Variants in ABCA1 observed in about 807,000 individuals in gnomAD.
The protein encoded by ABCA1 is ATP binding cassette subfamily A member 1, also known as phospholipid-transporting ATPase ABCA1.
In ABCA1, 133 loss-of-function variants were observed where a neutral mutation model predicts 262.5. The ratio of observed to expected loss-of-function variants is 0.51; its 90% CI spans 0.44 to 0.59. The LOEUF (loss-of-function observed/expected upper bound fraction) is 0.59. Among genes scored for constraint, ABCA1 ranks in the 20% least tolerant of loss-of-function variants. The probability of loss-of-function intolerance (pLI) is 0.00; values close to 1 mark genes in which losing one functional copy is unlikely to be tolerated. For missense variants in ABCA1, 2,452 were observed against 2,777.5 expected (o/e 0.88, Z 2.63); for synonymous variants, 1,022 against 1,043.5 (o/e 0.98, Z 0.40).
At chr9:104,879,994 T>C (rs368468778) in intron 5 of ABCA1, among the ~76,000 whole-genome samples, 2 of 152,324 alleles carry the variant, frequency 1.3e-5, no homozygotes, top group South Asian at 4.1e-4. Context: ...TCTTCGACTA[T>C]TTCAAGGAAA....
chr9:104,809,616 C>T (rs550273990), intron 29 of ABCA1, 52 bp from the exon 30 acceptor site: 5 of 1,462,824 alleles, frequency 3.4e-6, no homozygotes, highest in Admixed American at 3.4e-5. Context: ...AACCAGTAAT[C>T]GAGAGATAAA....
Position 104,826,196 on chromosome 9 carries a change from C to T in ABCA1, c.2338-309G>A, listed in dbSNP as rs116291478. On this transcript the variant is annotated intron_variant, in intron 16 of 49. Transcript: ENST00000374736. Reference sequence around the variant, plus strand: ...AAGGCTCAGCAATCCTGTTCCCCCACACACATGCGCATACCCACAGTCTTC... The same window carrying T: ...AAGGCTCAGCAATCCTGTTCCCCCATACACATGCGCATACCCACAGTCTTC... Among the ~76,000 whole-genome samples, 1,448 of 152,320 alleles carry T rather than the reference C, an allele frequency of 9.5e-3. 19 individuals carry two copies. Among genetic ancestry groups the T allele is most frequent in the African/African-American group, 0.033 (1,376 of 41,576 alleles).
intron 1 of ABCA1, among the ~76,000 whole-genome samples, chr9:104,913,847 G>A (rs1282100087): frequency 2.6e-5 from 4 of 152,126 alleles, no homozygotes; most frequent in East Asian, 1.9e-4. Flanking sequence ...CCAGGCTGGA[G>A]TGCAGTGGCG....
intron 8 of ABCA1, among the ~76,000 whole-genome samples, chr9:104,842,441 A>C (rs2487054): frequency 0.54 from 82,604 of 151,934 alleles, 25,074 homozygotes; most frequent in African/African-American, 0.81. Context: ...ATCAAAAAAA[A>C]AAATTTCTTC....
In ABCA1 at chr9:104,806,373, G is replaced by T. The variant is rs1157576156; in HGVS notation, c.4332C>A (p.Thr1444=). The T allele has an allele frequency of 1.2e-6, 2 of 1,614,202 alleles. No individual in the cohort carries two copies. Among genetic ancestry groups the T allele is most frequent in the Non-Finnish European group, 1.7e-6 (2 of 1,180,046 alleles). Residue 1444 remains threonine (T), a synonymous_variant, in exon 31 of 50, where the codon ACC becomes ACA. Coordinates refer to ENST00000374736, the MANE Select transcript of ABCA1 (RefSeq NM_005502.4). ...TCCCATTCTGGAAGAGGTCCATGAT[G>T]GTCTGGGGAACTGGGGCAGTGGTCC... ...EEWTTAPVPQ[T]IMDLFQNGNW...
intron 30 of ABCA1, 78 bp downstream of exon 30, chr9:104,809,388 G>T: frequency 7.5e-7 from 1 of 1,333,214 alleles, no homozygotes; most frequent in Non-Finnish European, 1.1e-6. Context: ...GTGGCATGCA[G>T]TTGATAAATG....
intron 7 of ABCA1, among the ~76,000 whole-genome samples, chr9:104,856,475 G>A (rs900225798): frequency 1.3e-5 from 2 of 152,182 alleles, no homozygotes; most frequent in Admixed American, 1.3e-4. Context: ...ACAGCAGGAT[G>A]GGACACAGTG....
At chr9:104,821,565 G>C (rs1368812717) in intron 19 of ABCA1, 59 bp from the exon 20 acceptor site, 1 of 1,598,182 alleles carries the variant, frequency 6.3e-7, no homozygotes, top group Non-Finnish European at 8.6e-7. Flanking sequence ...AACTCTAGAT[G>C]CTCCATTCAG....
At chr9:104,807,161 A>G (rs921763601) in intron 30 of ABCA1, among the ~76,000 whole-genome samples, 4 of 152,216 alleles carry the variant, frequency 2.6e-5, no homozygotes, top group African/African-American at 9.6e-5. Context: ...GGCCTGGGAA[A>G]GAGTCTGGAT....
chr9:104,796,397 C>T lies in ABCA1; in HGVS notation c.5149G>A (p.Val1717Ile). 1 of 1,614,150 alleles carries T rather than the reference C, an allele frequency of 6.2e-7. No homozygotes were observed. The highest frequency in any genetic ancestry group is 1.1e-5 in the South Asian group (1 of 91,082). ...MCNYVVPATL[V>I]IIIFICFQQK... ...TGGAAGCAGATGAAGATGATAATGA[C>T]CAGTGTGGCAGGGACAACGTAATTG... is the stretch of plus-strand genomic sequence containing the variant. Residue 1717 changes from valine to isoleucine, a missense_variant, in exon 38 of 50, where the codon GTC (valine) becomes ATC (isoleucine). Physicochemically the swap from Val to Ile is conservative, Grantham distance 29. Transcript: ENST00000374736.
chr9:104,786,369 A>G lies in ABCA1; in HGVS notation c.6330T>C (p.Leu2110=), dbSNP rs754074746. The G allele has an allele frequency of 1.2e-6, 2 of 1,614,146 alleles. No individual in the cohort carries two copies. The highest frequency in any genetic ancestry group is 1.3e-5 in the African/African-American group (1 of 75,050). ...TGACCATGATTGCCATCCTAGTGCAAAGAGCTTCACATTCTTCCATACTGC... is the reference window on the plus strand; with the variant it reads ...TGACCATGATTGCCATCCTAGTGCAGAGAGCTTCACATTCTTCCATACTGC... ...TSHSMEECEA[L]CTRMAIMVNG... The change falls in exon 48 of 50, where the codon CTT becomes CTC. Residue 2110 remains leucine (L), a synonymous_variant. Coordinates refer to ENST00000374736, the MANE Select transcript of ABCA1 (RefSeq NM_005502.4).
rs376099791 is a variant in ABCA1 at position 104,827,185 on chromosome 9, C to A, written c.2116-16G>T. On this transcript the variant is annotated splice_polypyrimidine_tract_variant and intron_variant, in intron 15 of 49. Transcript: ENST00000374736. The stretch of plus-strand genomic sequence containing the variant: ...GGTTTCCTAACTGGGAAGGAAGAGA[C>A]ACATCAAATGTGCTGCCTCAACAAT... 7.5e-6 allele frequency: 12 copies of A among 1,604,460 alleles called. No individual in the cohort carries two copies. In the African/African-American group the frequency reaches 1.6e-4, roughly 21 times the overall value.
intron 8 of ABCA1, 119 bp from the exon 9 acceptor site, chr9:104,840,638 C>T (rs1406841137): frequency 9.4e-6 from 10 of 1,068,344 alleles, no homozygotes; most frequent in Admixed American, 5.2e-5. Context: ...AAAGCCATGT[C>T]CCAGAACATA....
At chr9:104,872,549 G>A (rs926715552) in intron 5 of ABCA1, among the ~76,000 whole-genome samples, 1 of 152,184 alleles carries the variant, frequency 6.6e-6, no homozygotes, top group Admixed American at 6.5e-5. Flanking sequence ...TCAATGAAAT[G>A]GAGATAATAA....
intron 1 of ABCA1, among the ~76,000 whole-genome samples, chr9:104,915,117 C>G (rs963326502): frequency 1.3e-5 from 2 of 152,194 alleles, no homozygotes; most frequent in African/African-American, 4.8e-5. Context: ...ATTTTGCCAC[C>G]TTAACACTTT....
In ABCA1 at chr9:104,858,641, C is replaced by T; in HGVS notation, c.601G>A (p.Glu201Lys). The T allele has an allele frequency of 6.2e-7, 1 of 1,614,190 alleles. No homozygotes were observed. The highest frequency in any genetic ancestry group is 8.5e-7 in the Non-Finnish European group (1 of 1,180,028). The change falls in exon 7 of 50, where the codon GAA becomes AAA. Residue 201 changes from glutamate (E) to lysine (K), a missense_variant. Glu to Lys is a moderately conservative substitution (Grantham distance 56, BLOSUM62 1). This residue lies in a region of ABCA1 where 1,032 missense variants were observed against 1,089.7 expected (regional missense o/e 0.95). Coordinates refer to ENST00000374736, the MANE Select transcript of ABCA1 (RefSeq NM_005502.4). ...TGGTCACCAAGTTGAATCATCTCTTCTGATTTTGATCCATTGCACAGACTT... is the reference window on the plus strand; with the variant it reads ...TGGTCACCAAGTTGAATCATCTCTTTTGATTTTGATCCATTGCACAGACTT... ...LTSLCNGSKS[E>K]EMIQLGDQEV...
In ABCA1 at chr9:104,841,267, C is replaced by T. The variant is rs1834342056; in HGVS notation, c.814-748G>A. On this transcript the variant is annotated intron_variant, in intron 8 of 49. Coordinates refer to ENST00000374736, the MANE Select transcript of ABCA1 (RefSeq NM_005502.4). ...CCTGGCCAACATGGTGAAACCCCAT[C>T]TCTACTAAAAAAATACAAAAATGTT... is the stretch of plus-strand genomic sequence containing the variant. 2.0e-5 allele frequency among the ~76,000 whole-genome samples: 3 copies of T among 151,944 alleles called. No homozygotes were observed. In the South Asian group the frequency reaches 6.2e-4, roughly 32 times the overall value.
chr9:104,798,688 A>G, intron 36 of ABCA1, 90 bp from the exon 37 acceptor site: 2 of 1,069,220 alleles, frequency 1.9e-6, no homozygotes, highest in Non-Finnish European at 1.4e-6. Context: ...ACAAACACAC[A>G]CGTACACACA....
Position 104,882,028 on chromosome 9 carries a change from TAAAAAAAAAAA to T in ABCA1, c.421+1000_421+1010del, listed in dbSNP as rs557626075. On this transcript the variant is annotated intron_variant, in intron 5 of 49. Transcript: ENST00000374736. ...CAAGGAAAGCACAGTTCTGTAGCCT[TAAAAAAAAAAA>T]AAAAAAAAAAAAAAAAAACTCAAAT... is the stretch of plus-strand genomic sequence containing the variant. Among the ~76,000 whole-genome samples the T allele has an allele frequency of 1.6e-3, 119 of 73,756 alleles. 1 individual carries two copies. Among genetic ancestry groups the T allele is most frequent in the East Asian group, 2.2e-3 (4 of 1,780 alleles). The allele number at this position is 73,756 out of a possible 152,430, so 48.4% of individuals were successfully genotyped here.
Sources: allele counts gnomAD v4.1 joint callset (sites outside exome capture counted in the v4.1 genomes callset), GRCh38; gene constraint gnomAD v4.1.1; regional missense constraint gnomAD v4.1.1; transcripts MANE v1.5; gene names NCBI Gene and HGNC (gene_info 2026-07-23, HGNC 2026-07-21).